The following MCTP2 variants were observed in gnomAD, a reference collection of about 807,000 sequenced individuals.
MCTP2 encodes multiple C2 and transmembrane domain-containing protein 2.
MCTP2 carries 132 observed loss-of-function variants against 111.6 expected under a neutral mutation model. The ratio of observed to expected loss-of-function variants is 1.18; its 90% confidence interval spans 1.03 to 1.37. MCTP2 has a LOEUF of 1.37. Among genes scored for constraint, MCTP2 ranks in the 40% most tolerant of loss-of-function variants. The pLI is 0.00. For synonymous variants in MCTP2, 395 were observed against 387.7 expected (o/e 1.02, Z -0.22); for missense variants, 1,183 against 1,067.9 (o/e 1.11, Z -1.50).
At chr15:94,386,796 T>A (rs1356168682) in intron 14 of MCTP2, among the ~76,000 whole-genome samples, 1 of 147,730 alleles carries the variant, frequency 6.8e-6, no homozygotes, top group Non-Finnish European at 1.5e-5. Context: ...TTGGTGAACA[T>A]GACTTAAAAA....
Position 94,435,342 on chromosome 15 carries a change from T to G in MCTP2, c.2086-4834T>G, listed in dbSNP as rs562849614. Among the ~76,000 whole-genome samples the G allele has an allele frequency of 7.2e-5, 11 of 152,338 alleles. No individual in the cohort carries two copies. The South Asian group carries it at 2.3e-3, about 32-fold the overall frequency. ...TTCTGTAATGTTTCTTAATAATCTT[T>G]CATAGTTTCCAGTGAGGATATCTTG... On this transcript the variant is annotated intron_variant, in intron 17 of 22. Transcript: ENST00000357742.
intron 1 of MCTP2, among the ~76,000 whole-genome samples, chr15:94,240,677 C>G (rs1192998810): frequency 6.6e-6 from 1 of 152,108 alleles, no homozygotes; most frequent in Non-Finnish European, 1.5e-5. Context: ...AGAGCAATTT[C>G]CTGCCAGATG....
intron 2 of MCTP2, among the ~76,000 whole-genome samples, chr15:94,313,135 A>C (rs1161650110): frequency 2.0e-5 from 3 of 152,094 alleles, no homozygotes. Context: ...TCATTGACGC[A>C]ATCAGTCCTG....
At chr15:94,322,454 T>C (rs1384506595) in intron 4 of MCTP2, among the ~76,000 whole-genome samples, 2 of 152,260 alleles carry the variant, frequency 1.3e-5, no homozygotes, top group African/African-American at 4.8e-5. Context: ...CTTTATGGGC[T>C]ATAAGTGAAA....
intron 10 of MCTP2, 110 bp downstream of exon 10, chr15:94,358,722 C>T (rs986505756): frequency 1.4e-5 from 18 of 1,302,896 alleles, no homozygotes; most frequent in Non-Finnish European, 1.9e-5. Flanking sequence ...ATCCCTCACC[C>T]CAGAGTGCCA....
At chr15:94,391,407 A>C (rs77629386) in intron 14 of MCTP2, among the ~76,000 whole-genome samples, 131 of 152,288 alleles carry the variant, frequency 8.6e-4, no homozygotes, top group African/African-American at 2.7e-3. Context: ...ATTTATAATT[A>C]AGCTTTAAAA....
chr15:94,395,204 G>A (rs1281169538), intron 14 of MCTP2, among the ~76,000 whole-genome samples: 1 of 152,208 alleles, frequency 6.6e-6, no homozygotes, highest in Non-Finnish European at 1.5e-5. Flanking sequence ...CTTTCCATGT[G>A]CATCAGCTGG....
At chr15:94,255,651 G>A (rs1211076824) in intron 1 of MCTP2, among the ~76,000 whole-genome samples, 6 of 152,130 alleles carry the variant, frequency 3.9e-5, no homozygotes, top group Non-Finnish European at 5.9e-5. Context: ...GTGGAGGAGG[G>A]CTTTGGGCTT....
At chr15:94,268,853 T>C (rs974493585) in intron 1 of MCTP2, among the ~76,000 whole-genome samples, 2 of 152,042 alleles carry the variant, frequency 1.3e-5, no homozygotes, top group African/African-American at 4.8e-5. Context: ...TTCTTATTTT[T>C]AATCTTTTTG....
chr15:94,255,168 C>G (rs954129524), intron 1 of MCTP2, among the ~76,000 whole-genome samples: 1 of 152,122 alleles, frequency 6.6e-6, no homozygotes, highest in Non-Finnish European at 1.5e-5. Flanking sequence ...TATAACTATA[C>G]CCCAATTAGT....
intron 1 of MCTP2, among the ~76,000 whole-genome samples, chr15:94,244,095 C>T (rs1040817834): frequency 3.9e-4 from 21 of 54,118 alleles, no homozygotes; most frequent in African/African-American, 1.2e-3. Context: ...CATATGTATA[C>T]ACATACATAT....
chr15:94,303,639 C>T (rs1439998507), intron 2 of MCTP2, among the ~76,000 whole-genome samples: 1 of 152,054 alleles, frequency 6.6e-6, no homozygotes, highest in Admixed American at 6.5e-5. Context: ...AAAGAGTTGC[C>T]CCGTGGTTCA....
At position 94,243,824 on chromosome 15, in the gene MCTP2, CAT is replaced by C. The variant is rs1257274566; in HGVS notation, c.-66+12163_-66+12164del. On this transcript the variant is annotated intron_variant, in intron 1 of 22. Coordinates refer to ENST00000357742, the MANE Select transcript of MCTP2 (RefSeq NM_001385001.1). ...ATGCGTATATACATATATGTATACACATATGTATATATTTATGTACACATATA... is the reference window on the plus strand; with the variant it reads ...ATGCGTATATACATATATGTATACACATGTATATATTTATGTACACATATA... Among the ~76,000 whole-genome samples, 26 of 145,390 alleles carry C rather than the reference CAT, an allele frequency of 1.8e-4. 1 individual carries two copies. Among genetic ancestry groups the C allele is most frequent in the South Asian group, 4.3e-4 (2 of 4,600 alleles).
At chr15:94,305,107 A>AT (rs1450196096) in intron 2 of MCTP2, among the ~76,000 whole-genome samples, 3 of 152,038 alleles carry the variant, frequency 2.0e-5, no homozygotes, top group Non-Finnish European at 4.4e-5. Context: ...TAACCTTTAC[A>AT]TGACTGTATT....
At chr15:94,390,114 G>GCA (rs2080858852) in intron 14 of MCTP2, among the ~76,000 whole-genome samples, 1 of 20,090 alleles carries the variant, frequency 5.0e-5, no homozygotes, top group African/African-American at 1.4e-4. Flanking sequence ...ATATATATAT[G>GCA]TATATATATA....
At chr15:94,361,560 C>T (rs8035786) in intron 10 of MCTP2, among the ~76,000 whole-genome samples, 3,609 of 152,264 alleles carry the variant, frequency 0.024, 145 homozygotes, top group African/African-American at 0.082. Context: ...TATTCCCTTG[C>T]GCACTCTGAT....
intron 1 of MCTP2, among the ~76,000 whole-genome samples, chr15:94,255,765 C>A (rs1377487381): frequency 6.6e-6 from 1 of 152,118 alleles, no homozygotes; most frequent in African/African-American, 2.4e-5. Context: ...TCCTAGTGAT[C>A]TTTGCTCAGG....
chr15:94,367,878 G>T, intron 11 of MCTP2, 87 bp downstream of exon 11: 1 of 1,166,938 alleles, frequency 8.6e-7, no homozygotes, highest in South Asian at 1.5e-5. Context: ...TCTCTGAATT[G>T]AAAAACTACA....
At chr15:94,310,738 A>G (rs1339886995) in intron 2 of MCTP2, among the ~76,000 whole-genome samples, 1 of 150,774 alleles carries the variant, frequency 6.6e-6, no homozygotes, top group Non-Finnish European at 1.5e-5. Flanking sequence ...ACTACAACAT[A>G]TATCTATTTA....
Sources: gnomAD v4.1 joint callset for allele counts (sites outside exome capture counted in the v4.1 genomes callset) on GRCh38, gnomAD v4.1.1 for gene constraint, MANE v1.5 for transcripts, NCBI Gene and HGNC (gene_info 2026-07-23, HGNC 2026-07-21) for gene names.